Variants in WDR27 observed in about 807,000 individuals in gnomAD.
The protein encoded by WDR27 is WD repeat domain 27.
WDR27 carries 100 observed loss-of-function variants against 114.4 expected under a neutral mutation model. That is an observed-to-expected ratio of 0.87 (90% CI 0.74 to 1.03). The LOEUF (loss-of-function observed/expected upper bound fraction) is 1.03. Among genes scored for constraint, WDR27 ranks in the 50% least tolerant of loss-of-function variants. The pLI, the probability that WDR27 is intolerant of heterozygous loss-of-function variation, is 0.00. For synonymous variants in WDR27, 449 were observed against 423.1 expected, an observed-to-expected ratio of 1.06 and a Z score of -0.75; for missense variants, 1,129 against 1,092.9, an observed-to-expected ratio of 1.03 and a Z score of -0.47.
chr6:169,485,685 T>C (rs2115409238), intron 25 of WDR27, among the ~76,000 whole-genome samples: 1 of 152,318 alleles, frequency 6.6e-6, no homozygotes, highest in East Asian at 1.9e-4. Flanking sequence ...TATAAATTAT[T>C]CTATCCTAAA....
chr6:169,427,395 C>T, the WDR27 span, among the ~76,000 whole-genome samples: 1 of 152,130 alleles, frequency 6.6e-6, no homozygotes, highest in Non-Finnish European at 1.5e-5. Context: ...CCTGTGCACT[C>T]TGGGGACATC....
At chr6:169,440,658 G>T in the WDR27 span, among the ~76,000 whole-genome samples, 1 of 151,996 alleles carries the variant, frequency 6.6e-6, no homozygotes, top group Non-Finnish European at 1.5e-5. Flanking sequence ...TAATTACAAT[G>T]AGCTCATAAT....
At chr6:169,633,530 CA>C (rs1816941375) in intron 20 of WDR27, among the ~76,000 whole-genome samples, 2 of 152,214 alleles carry the variant, frequency 1.3e-5, no homozygotes, top group South Asian at 4.1e-4. Context: ...GCCATGTCGG[CA>C]GGTGACCGTG....
At chr6:169,676,398 G>A (rs1780071459) in intron 2 of WDR27, among the ~76,000 whole-genome samples, 1 of 152,136 alleles carries the variant, frequency 6.6e-6, no homozygotes, top group Non-Finnish European at 1.5e-5. Flanking sequence ...AACATCACAT[G>A]ACAGATAAAG....
chr6:169,446,376 G>A, the WDR27 span, among the ~76,000 whole-genome samples: 10 of 151,774 alleles, frequency 6.6e-5, no homozygotes, highest in Non-Finnish European at 1.5e-4. Flanking sequence ...GGCAGGGGCC[G>A]GGCACAAGGC....
At chr6:169,629,517 A>G (rs1815759958) in intron 21 of WDR27, among the ~76,000 whole-genome samples, 1 of 152,232 alleles carries the variant, frequency 6.6e-6, no homozygotes, top group African/African-American at 2.4e-5. Context: ...ACCTTTAATA[A>G]GAGTCATGCA....
chr6:169,563,395 G>A (rs1182837386), intron 25 of WDR27, among the ~76,000 whole-genome samples: 1 of 152,166 alleles, frequency 6.6e-6, no homozygotes, highest in Admixed American at 6.5e-5. Flanking sequence ...GCCAGACCCT[G>A]AACACTGAAG....
intron 25 of WDR27, among the ~76,000 whole-genome samples, chr6:169,564,309 A>G (rs551386652): frequency 1.3e-5 from 2 of 152,278 alleles, no homozygotes; most frequent in African/African-American, 4.8e-5. Flanking sequence ...CCGGCAGCTG[A>G]TTAGATGGTG....
At position 169,658,284 on chromosome 6, in the gene WDR27, T is replaced by C. The variant is rs777723029; in HGVS notation, c.1394A>G (p.Gln465Arg). 1 of 1,600,084 alleles carries C rather than the reference T, an allele frequency of 6.2e-7. No individual in the cohort carries two copies. The highest frequency in any genetic ancestry group is 8.5e-7 in the Non-Finnish European group (1 of 1,173,486). ...CAGCACCCTGTACTGACCACGTCGC[T>C]GTTCACTAGCAGCCTTGGTACTCTT... ...KEKSTKAASE[Q>R]RRAARNVMKD... Residue 465 changes from glutamine to arginine, a missense_variant, in exon 13 of 26, where the codon CAG becomes CGG. Coordinates refer to ENST00000448612, the MANE Select transcript of WDR27 (RefSeq NM_182552.5).
intron 25 of WDR27, among the ~76,000 whole-genome samples, chr6:169,520,216 T>TA (rs775946772): frequency 1.3e-4 from 20 of 152,164 alleles, no homozygotes; most frequent in Non-Finnish European, 2.4e-4. Flanking sequence ...CATGAACCCA[T>TA]AGCCAGCTTC....
chr6:169,578,105 T>G (rs1424125306), intron 24 of WDR27, among the ~76,000 whole-genome samples: 2 of 152,216 alleles, frequency 1.3e-5, no homozygotes, highest in Non-Finnish European at 2.9e-5. Context: ...GTGTCATCGC[T>G]CCGCAGTGCT....
chr6:169,601,759 C>T (rs1008628730), intron 23 of WDR27, among the ~76,000 whole-genome samples: 11 of 152,208 alleles, frequency 7.2e-5, no homozygotes, highest in Non-Finnish European at 1.6e-4. Context: ...GTATTAGTAC[C>T]TGCCCCAAAT....
chr6:169,601,219 G>C (rs113083164), intron 23 of WDR27, among the ~76,000 whole-genome samples: 1 of 152,148 alleles, frequency 6.6e-6, no homozygotes, highest in African/African-American at 2.4e-5. Flanking sequence ...ACTAAGCTTC[G>C]TAAGTGAAGG....
At chr6:169,683,958 T>C (rs1293458183) in intron 2 of WDR27, among the ~76,000 whole-genome samples, 1 of 152,162 alleles carries the variant, frequency 6.6e-6, no homozygotes, top group Non-Finnish European at 1.5e-5. Flanking sequence ...AGCACCATCT[T>C]GAGACCAGAG....
chr6:169,435,303 TGA>T, the WDR27 span, among the ~76,000 whole-genome samples: 1 of 152,114 alleles, frequency 6.6e-6, no homozygotes, highest in East Asian at 1.9e-4. Context: ...AAATGTTGGG[TGA>T]GTCCCCACTG....
chr6:169,487,755 T>A (rs565104527), intron 25 of WDR27, among the ~76,000 whole-genome samples: 2 of 152,288 alleles, frequency 1.3e-5, no homozygotes, highest in East Asian at 3.9e-4. Context: ...ACTCAGAACA[T>A]CCTTGCAGAA....
At chr6:169,580,597 G>C (rs1030461438) in intron 24 of WDR27, among the ~76,000 whole-genome samples, 1 of 152,124 alleles carries the variant, frequency 6.6e-6, no homozygotes, top group Admixed American at 6.5e-5. Flanking sequence ...CCTGCCTGTG[G>C]TTATTTCCAA....
intron 25 of WDR27, among the ~76,000 whole-genome samples, chr6:169,471,145 C>T (rs910976290): frequency 6.9e-6 from 1 of 145,244 alleles, no homozygotes; most frequent in Non-Finnish European, 1.5e-5. Context: ...TAAGTTGGTG[C>T]AAAAGTAATT....
chr6:169,456,846 C>T (rs903824171), downstream of WDR27, among the ~76,000 whole-genome samples: 3 of 151,438 alleles, frequency 2.0e-5, no homozygotes, highest in East Asian at 2.0e-4. The surrounding 1 kb of genome is among the most constrained non-coding windows in gnomAD (Gnocchi z 4.0). Flanking sequence ...GGACACAGCC[C>T]ATGCTCACGA....
Sources: gnomAD v4.1 joint callset for allele counts (sites outside exome capture counted in the v4.1 genomes callset) on GRCh38, gnomAD v4.1.1 for gene constraint, Gnocchi (gnomAD v3.1) non-coding constraint, MANE v1.5 for transcripts, NCBI Gene and HGNC (gene_info 2026-07-23, HGNC 2026-07-21) for gene names.